Variants in MYO16 observed in about 807,000 individuals in gnomAD.
MYO16 encodes unconventional myosin-XVI.
MYO16 carries 94 observed loss-of-function variants against 205.3 expected under a neutral mutation model. That is an observed-to-expected ratio of 0.46 (90% CI 0.39 to 0.54). The LOEUF (loss-of-function observed/expected upper bound fraction) is 0.54, where lower values mean the gene tolerates loss of function less well. Among genes scored for constraint, MYO16 ranks in the 20% least tolerant of loss-of-function variants. The probability of loss-of-function intolerance (pLI) is 0.00; values close to 1 mark genes in which losing one functional copy is unlikely to be tolerated. For synonymous variants in MYO16, 988 were observed against 954.0 expected (o/e 1.04, Z -0.66); for missense variants, 2,315 against 2,387.5 (o/e 0.97, Z 0.63).
At chr13:108,669,621 T>C (rs948122852) in intron 2 of MYO16, among the ~76,000 whole-genome samples, 2 of 152,194 alleles carry the variant, frequency 1.3e-5, no homozygotes, top group Non-Finnish European at 2.9e-5. Context: ...TTGAGAAGTG[T>C]CTGTTCATAT....
chr13:108,504,476 GAAC>G, the MYO16 span, among the ~76,000 whole-genome samples: 2 of 151,512 alleles, frequency 1.3e-5, no homozygotes, highest in Admixed American at 6.6e-5. Context: ...TACACCCATT[GAAC>G]AACAACTCTG....
chr13:108,789,755 A>G (rs1886561655), intron 5 of MYO16, among the ~76,000 whole-genome samples: 1 of 152,192 alleles, frequency 6.6e-6, no homozygotes, highest in Admixed American at 6.5e-5. Flanking sequence ...AGCACAGAGG[A>G]TCCCATGCTA....
At chr13:109,010,976 T>TATATATATATATATATA (rs59979915) in intron 22 of MYO16, among the ~76,000 whole-genome samples, 19 of 143,140 alleles carry the variant, frequency 1.3e-4, no homozygotes, top group Non-Finnish European at 1.8e-4. Flanking sequence ...TATATATATA[T>TATATATATATATATATA]TTCTTCACCT....
intron 1 of MYO16, among the ~76,000 whole-genome samples, chr13:108,624,117 G>C (rs968846347): frequency 6.6e-6 from 1 of 152,124 alleles, no homozygotes; most frequent in Non-Finnish European, 1.5e-5. Flanking sequence ...GTATGAAGGA[G>C]AGGCTTCTTA....
chr13:108,845,865 C>T (rs1877491707), intron 10 of MYO16, among the ~76,000 whole-genome samples: 1 of 140,460 alleles, frequency 7.1e-6, no homozygotes, highest in Non-Finnish European at 1.6e-5. Context: ...GGGTGTGTGC[C>T]ACCATTCTCT....
the MYO16 span, among the ~76,000 whole-genome samples, chr13:108,587,850 G>A: frequency 2.6e-5 from 4 of 152,248 alleles, no homozygotes; most frequent in East Asian, 5.8e-4. Context: ...TAATACATCC[G>A]TGAGCAGAAG....
chr13:108,977,880 T>C (rs966279322), intron 20 of MYO16, among the ~76,000 whole-genome samples: 1 of 152,144 alleles, frequency 6.6e-6, no homozygotes, highest in African/African-American at 2.4e-5. Context: ...AAACAATTCT[T>C]CTGGGATGTT....
intron 17 of MYO16, among the ~76,000 whole-genome samples, chr13:108,960,654 A>G (rs1200486551): frequency 6.6e-6 from 1 of 152,230 alleles, no homozygotes; most frequent in Non-Finnish European, 1.5e-5. Context: ...TTCTCAAATT[A>G]CAGATTAGGA....
chr13:108,607,304 A>G (rs1226317636), intron 1 of MYO16, among the ~76,000 whole-genome samples: 1 of 152,238 alleles, frequency 6.6e-6, no homozygotes, highest in East Asian at 1.9e-4. Context: ...TGGTCTGGCT[A>G]TGTGTCCCCA....
chr13:109,057,938 C>T (rs1303883024), intron 27 of MYO16, among the ~76,000 whole-genome samples: 2 of 151,980 alleles, frequency 1.3e-5, no homozygotes, highest in African/African-American at 4.8e-5. Flanking sequence ...AGCCTTGAGA[C>T]GTTACAATTT....
intron 27 of MYO16, among the ~76,000 whole-genome samples, chr13:109,080,400 T>C (rs1434472311): frequency 6.6e-6 from 1 of 152,188 alleles, no homozygotes; most frequent in Admixed American, 6.5e-5. Flanking sequence ...TTTGTTTGAA[T>C]GTGCATGGAT....
At chr13:108,796,044 A>G (rs970038877) in intron 6 of MYO16, among the ~76,000 whole-genome samples, 1 of 152,214 alleles carries the variant, frequency 6.6e-6, no homozygotes, top group Non-Finnish European at 1.5e-5. Flanking sequence ...CTTGGGAAAC[A>G]GCAAGGAGCC....
rs745526601 is a variant in MYO16 at position 108,780,987 on chromosome 13, G to C, written c.508-4648G>C. Among the ~76,000 whole-genome samples, 11 of 152,210 alleles carry C rather than the reference G, an allele frequency of 7.2e-5. No homozygotes were observed. In the South Asian group the frequency reaches 1.4e-3, roughly 20 times the overall value. The stretch of plus-strand genomic sequence containing the variant: ...CTTCAGGTGCAGAATTTCTCTAAAA[G>C]AGCCTGATGACTTCTTTAAGCACAG... On this transcript the variant is annotated intron_variant, in intron 4 of 34. Transcript: ENST00000457511.
intron 28 of MYO16, among the ~76,000 whole-genome samples, chr13:109,110,727 G>A (rs949224874): frequency 2.0e-5 from 3 of 152,188 alleles, no homozygotes; most frequent in Admixed American, 1.3e-4. Context: ...AGAGTGTGGA[G>A]GTATTAATAG....
At chr13:108,728,327 T>C (rs1884408963) in intron 4 of MYO16, among the ~76,000 whole-genome samples, 1 of 152,238 alleles carries the variant, frequency 6.6e-6, no homozygotes, top group Non-Finnish European at 1.5e-5. Flanking sequence ...TTAAACAACT[T>C]GCCGTAAGCC....
intron 1 of MYO16, among the ~76,000 whole-genome samples, chr13:108,608,286 G>T (rs979165549): frequency 6.6e-6 from 1 of 152,122 alleles, no homozygotes; most frequent in Non-Finnish European, 1.5e-5. Flanking sequence ...CCTTTGCCCT[G>T]CTCCCCTGTA....
chr13:108,793,760 C>A, intron 6 of MYO16, 120 bp downstream of exon 6: 1 of 1,165,640 alleles, frequency 8.6e-7, no homozygotes, highest in African/African-American at 1.6e-5. Context: ...TAATACATGT[C>A]AATTGTAGAA....
chr13:108,794,029 C>T (rs1886705929), intron 6 of MYO16, among the ~76,000 whole-genome samples: 1 of 152,170 alleles, frequency 6.6e-6, no homozygotes, highest in Admixed American at 6.5e-5. Context: ...CCTTCATAGC[C>T]ACATGGATGC....
chr13:108,926,681 C>T (rs1413362023), intron 16 of MYO16, among the ~76,000 whole-genome samples: 1 of 152,078 alleles, frequency 6.6e-6, no homozygotes, highest in African/African-American at 2.4e-5. Flanking sequence ...GTGATGTTTT[C>T]TCAAGCAGTT....
Sources: allele counts gnomAD v4.1 joint callset (sites outside exome capture counted in the v4.1 genomes callset), GRCh38; gene constraint gnomAD v4.1.1; transcripts MANE v1.5; gene names NCBI Gene and HGNC (gene_info 2026-07-23, HGNC 2026-07-21).